JAZF1: variants seen among roughly 807,000 people sequenced by gnomAD.
The protein encoded by JAZF1 is JAZF zinc finger 1.
A neutral mutation model predicts 26.4 loss-of-function variants in JAZF1; 8 were observed. That is an observed-to-expected ratio of 0.30 (90% CI 0.18 to 0.55). The LOEUF is 0.55. JAZF1 is among the 20% of genes least tolerant of loss of function. The pLI is 0.94. For missense variants in JAZF1, 199 were observed against 322.0 expected (o/e 0.62, Z 2.92); for synonymous variants, 126 against 122.3 (o/e 1.03, Z -0.20).
chr7:28,000,866 G>A (rs989157044), intron 1 of JAZF1, among the ~76,000 whole-genome samples: 2 of 151,768 alleles, frequency 1.3e-5, no homozygotes. Flanking sequence ...CAATCCACTG[G>A]CCTTGGCCTC....
intron 2 of JAZF1, among the ~76,000 whole-genome samples, chr7:27,929,938 C>CTCTCTA: frequency 7.1e-6 from 1 of 140,744 alleles, no homozygotes. Context: ...TTTCTGCATT[C>CTCTCTA]TCTCTCTCTC....
intron 1 of JAZF1, among the ~76,000 whole-genome samples, chr7:28,115,045 T>C (rs1784720410): frequency 6.6e-6 from 1 of 152,276 alleles, no homozygotes; most frequent in South Asian, 2.1e-4. Flanking sequence ...AGGGTCTCTG[T>C]AGGCATGTAG....
chr7:28,171,911 G>C (rs1349819206), intron 1 of JAZF1, among the ~76,000 whole-genome samples: 2 of 151,922 alleles, frequency 1.3e-5, no homozygotes, highest in African/African-American at 4.8e-5. Context: ...AAGTTTTGTG[G>C]GCCTGCAGAT....
rs572035099 is a variant in JAZF1, at chr7:28,110,382, C to T, written c.115+70081G>A. On this transcript the variant is annotated intron_variant, in intron 1 of 4. Transcript: ENST00000283928. ...CAGAGGTTGTAGTGAGCCGAGATCA[C>T]GCCATTGCACTCCAGCCTGGGCGAC... Among the ~76,000 whole-genome samples the T allele has an allele frequency of 5.1e-3, 758 of 148,664 alleles. 7 individuals carry two copies. Among genetic ancestry groups the T allele is most frequent in the Admixed American group, 9.4e-3 (138 of 14,668 alleles).
chr7:28,067,094 C>T (rs1783895606), intron 1 of JAZF1, among the ~76,000 whole-genome samples: 1 of 152,134 alleles, frequency 6.6e-6, no homozygotes, highest in South Asian at 2.1e-4. Context: ...GTGAGACCAC[C>T]TGGACAAAAA....
chr7:28,049,934 A>G (rs1783582384), intron 1 of JAZF1, among the ~76,000 whole-genome samples: 1 of 152,068 alleles, frequency 6.6e-6, no homozygotes, highest in African/African-American at 2.4e-5. Context: ...GCTTCATCAC[A>G]TCGGCATGAT....
chr7:28,151,921 A>G (rs1423334168), intron 1 of JAZF1, among the ~76,000 whole-genome samples: 1 of 152,218 alleles, frequency 6.6e-6, no homozygotes, highest in Non-Finnish European at 1.5e-5. Flanking sequence ...AAAAAACAAA[A>G]AAGAATTGTG....
At chr7:28,150,132 G>A (rs942905638) in intron 1 of JAZF1, among the ~76,000 whole-genome samples, 3 of 152,194 alleles carry the variant, frequency 2.0e-5, no homozygotes, top group African/African-American at 7.2e-5. Context: ...CTATAAGGAG[G>A]ACAGGATCAT....
At chr7:27,911,663 T>C (rs1161943164) in intron 2 of JAZF1, among the ~76,000 whole-genome samples, 2 of 152,188 alleles carry the variant, frequency 1.3e-5, no homozygotes, top group African/African-American at 4.8e-5. Context: ...TGAGCAGTGC[T>C]GTTACAACTG....
intron 2 of JAZF1, among the ~76,000 whole-genome samples, chr7:27,928,998 C>T (rs114761369): frequency 0.018 from 2,807 of 152,258 alleles, 90 homozygotes; most frequent in African/African-American, 0.063. Context: ...AGGGCATGGA[C>T]GATGCTCACC....
At chr7:28,166,813 C>A (rs914896768) in intron 1 of JAZF1, among the ~76,000 whole-genome samples, 1 of 152,162 alleles carries the variant, frequency 6.6e-6, no homozygotes, top group Non-Finnish European at 1.5e-5. Flanking sequence ...TGAATTCCTA[C>A]GACCACTCAG....
chr7:27,888,159 C>G (rs369367152), intron 3 of JAZF1, among the ~76,000 whole-genome samples: 1 of 152,134 alleles, frequency 6.6e-6, no homozygotes, highest in Non-Finnish European at 1.5e-5. Flanking sequence ...TTTTAGGGAA[C>G]GTTGCTTAGG....
At chr7:28,062,337 T>C (rs1027261200) in intron 1 of JAZF1, among the ~76,000 whole-genome samples, 1 of 152,136 alleles carries the variant, frequency 6.6e-6, no homozygotes, top group Non-Finnish European at 1.5e-5. Context: ...GCAGGGACAC[T>C]GTAATGGCTC....
chr7:27,983,052 T>A (rs527290240), intron 2 of JAZF1, among the ~76,000 whole-genome samples: 12 of 152,330 alleles, frequency 7.9e-5, no homozygotes, highest in Admixed American at 5.9e-4. Context: ...TTCAAAGGAA[T>A]GCAGCTCCTT....
intron 3 of JAZF1, among the ~76,000 whole-genome samples, chr7:27,885,149 C>T (rs1393044363): frequency 6.6e-6 from 1 of 152,194 alleles, no homozygotes; most frequent in Non-Finnish European, 1.5e-5. Context: ...ATTCTACACA[C>T]CTTAAAGGGA....
intron 1 of JAZF1, among the ~76,000 whole-genome samples, chr7:28,153,172 A>G (rs964075140): frequency 6.6e-6 from 1 of 152,178 alleles, no homozygotes; most frequent in African/African-American, 2.4e-5. Context: ...CTCCAAGGGT[A>G]CACTACTTGG....
chr7:28,148,496 T>G (rs1001139366), intron 1 of JAZF1, among the ~76,000 whole-genome samples: 8 of 152,228 alleles, frequency 5.3e-5, no homozygotes, highest in African/African-American at 1.7e-4. Context: ...TCCAATTATT[T>G]GCTATTGTAA....
At chr7:27,959,450 T>C (rs1184773172) in intron 2 of JAZF1, among the ~76,000 whole-genome samples, 1 of 152,244 alleles carries the variant, frequency 6.6e-6, no homozygotes, top group Non-Finnish European at 1.5e-5. Flanking sequence ...ACTTTGGCCC[T>C]GTGACATACT....
chr7:27,990,185 C>T (rs1180913434), intron 2 of JAZF1, among the ~76,000 whole-genome samples: 1 of 152,110 alleles, frequency 6.6e-6, no homozygotes, highest in Non-Finnish European at 1.5e-5. Flanking sequence ...ATTGCAAGGA[C>T]AGAAAACCAA....
Sources: allele counts gnomAD v4.1 joint callset (sites outside exome capture counted in the v4.1 genomes callset), GRCh38; gene constraint gnomAD v4.1.1; transcripts MANE v1.5; gene names NCBI Gene and HGNC (gene_info 2026-07-23, HGNC 2026-07-21).